CYP19A1: variants seen among roughly 807,000 people sequenced by gnomAD.
CYP19A1 encodes aromatase.
CYP19A1 carries 32 observed loss-of-function variants against 44.4 expected under a neutral mutation model. The ratio of observed to expected loss-of-function variants is 0.72; its 90% CI spans 0.54 to 0.97. CYP19A1 has a LOEUF of 0.97. Among genes scored for constraint, CYP19A1 ranks in the 50% least tolerant of loss-of-function variants. The pLI, the probability that CYP19A1 is intolerant of heterozygous loss-of-function variation, is 0.00. For missense variants in CYP19A1, 598 were observed against 637.8 expected, an observed-to-expected ratio of 0.94 and a Z score of 0.67; for synonymous variants, 212 against 215.6, an observed-to-expected ratio of 0.98 and a Z score of 0.14.
Position 51,219,001 on chromosome 15 carries a change from T to C in CYP19A1, c.629-346A>G, listed in dbSNP as rs78965728. 3.1e-4 allele frequency among the ~76,000 whole-genome samples: 47 copies of C among 152,332 alleles called. 1 individual carries two copies. In the East Asian group the frequency reaches 8.5e-3, roughly 27 times the overall value. On this transcript the variant is annotated intron_variant, in intron 5 of 9. Transcript: ENST00000396402. ...TCTCTGTACAAATGGAACTAGTAATTATGGCTGTTATGGCCTTCACTCTGG... is the reference window on the plus strand; with the variant it reads ...TCTCTGTACAAATGGAACTAGTAATCATGGCTGTTATGGCCTTCACTCTGG...
intron 2 of CYP19A1, 63 bp downstream of exon 2, chr15:51,242,705 C>T (rs2033841939): frequency 1.8e-6 from 2 of 1,084,484 alleles, no homozygotes; most frequent in African/African-American, 3.1e-5. Flanking sequence ...TTTTCTTTAC[C>T]ATCATGGACC....
At chr15:51,241,672 A>T (rs1398709430) in intron 2 of CYP19A1, among the ~76,000 whole-genome samples, 2 of 152,184 alleles carry the variant, frequency 1.3e-5, no homozygotes, top group East Asian at 1.9e-4. Flanking sequence ...ACCATGAAAC[A>T]GTTGTCCCTT....
intron 1 of CYP19A1, among the ~76,000 whole-genome samples, chr15:51,259,705 C>T (rs2034643998): frequency 6.6e-6 from 1 of 152,156 alleles, no homozygotes; most frequent in Admixed American, 6.5e-5. Context: ...GCTAGGGCTG[C>T]ACCAGACTGA....
At chr15:51,290,773 C>T (rs2035825231) in intron 1 of CYP19A1, among the ~76,000 whole-genome samples, 1 of 152,216 alleles carries the variant, frequency 6.6e-6, no homozygotes, top group Non-Finnish European at 1.5e-5. Context: ...TTGCTCTATA[C>T]ATAGGGGTTG....
chr15:51,275,453 T>G (rs752206610), intron 1 of CYP19A1, among the ~76,000 whole-genome samples: 7 of 152,224 alleles, frequency 4.6e-5, no homozygotes, highest in Admixed American at 2.0e-4. Context: ...ACTTGTGCCA[T>G]TCTGACACAA....
At position 51,309,961 on chromosome 15, in the gene CYP19A1, ATTGTT is replaced by A. The variant is rs552504758; in HGVS notation, c.-39+28529_-39+28533del. Among the ~76,000 whole-genome samples the A allele has an allele frequency of 3.7e-3, 557 of 152,298 alleles. 4 individuals carry two copies. The highest frequency in any genetic ancestry group is 0.013 in the African/African-American group (529 of 41,558). On this transcript the variant is annotated intron_variant, in intron 1 of 9. Transcript: ENST00000396402. ...CCCACTACGTCTTTGTTGAATGAGC[ATTGTT>A]TTAAGTGTCTACCCAAATAAGGTAG...
At chr15:51,267,285 G>A (rs1414065992) in intron 1 of CYP19A1, among the ~76,000 whole-genome samples, 1 of 152,144 alleles carries the variant, frequency 6.6e-6, no homozygotes, top group Non-Finnish European at 1.5e-5. Context: ...GGCTGCCTGC[G>A]GTCGGTGCCG....
At chr15:51,236,126 T>C (rs1000817255) in intron 3 of CYP19A1, among the ~76,000 whole-genome samples, 1 of 152,240 alleles carries the variant, frequency 6.6e-6, no homozygotes, top group Non-Finnish European at 1.5e-5. Flanking sequence ...ACTATTTTTT[T>C]AAATGGGTAA....
chr15:51,300,593 A>G (rs765933955), intron 1 of CYP19A1, among the ~76,000 whole-genome samples: 31 of 152,192 alleles, frequency 2.0e-4, no homozygotes, highest in Non-Finnish European at 3.7e-4. Context: ...CACGCCTGCC[A>G]GGCCTGGAGC....
At chr15:51,319,546 C>T (rs1398867476) in intron 1 of CYP19A1, among the ~76,000 whole-genome samples, 1 of 152,184 alleles carries the variant, frequency 6.6e-6, no homozygotes, top group African/African-American at 2.4e-5. Context: ...TTATCTAATC[C>T]TCATAACCCA....
chr15:51,306,598 T>C (rs1049132594), intron 1 of CYP19A1, among the ~76,000 whole-genome samples: 11 of 152,232 alleles, frequency 7.2e-5, no homozygotes, highest in Non-Finnish European at 2.9e-5. Context: ...ACTGGAAACA[T>C]TTTTAATGAC....
chr15:51,290,078 CCCTCACTTCCCTAACT>C lies in CYP19A1; in HGVS notation c.-38-47144_-38-47129del, dbSNP rs551721865. Among the ~76,000 whole-genome samples the C allele has an allele frequency of 3.9e-3, 591 of 152,322 alleles. 3 individuals are homozygous for C. The highest frequency in any genetic ancestry group is 5.6e-3 in the Non-Finnish European group (378 of 68,028). ...CCCCTGGGGTCACAGCCCCAGTGAG[CCCTCACTTCCCTAACT>C]CCTTAGAGTTTCTATTTAAGATTCT... On this transcript the variant is annotated intron_variant, in intron 1 of 9. Coordinates refer to ENST00000396402, the MANE Select transcript of CYP19A1 (RefSeq NM_000103.4).
At chr15:51,285,627 T>C (rs1466146075) in intron 1 of CYP19A1, among the ~76,000 whole-genome samples, 1 of 152,192 alleles carries the variant, frequency 6.6e-6, no homozygotes, top group Non-Finnish European at 1.5e-5. Context: ...TAGCTTAAAC[T>C]GGAAAAACAT....
At chr15:51,309,555 G>A (rs532041325) in intron 1 of CYP19A1, among the ~76,000 whole-genome samples, 2 of 152,298 alleles carry the variant, frequency 1.3e-5, no homozygotes, top group East Asian at 1.9e-4. Flanking sequence ...AAAACAGACT[G>A]TGTTCTCTAA....
intron 8 of CYP19A1, 64 bp downstream of exon 8, chr15:51,215,006 A>G (rs2031423336): frequency 2.6e-6 from 4 of 1,555,238 alleles, no homozygotes; most frequent in Admixed American, 1.9e-5. Context: ...TTCTTAGGAC[A>G]TAAGAAATGG....
Position 51,242,785 on chromosome 15 carries a change from C to A in CYP19A1, c.128G>T (p.Gly43Val), listed in dbSNP as rs754803299. 3 of 1,567,712 alleles carry A rather than the reference C, an allele frequency of 1.9e-6. No individual in the cohort carries two copies. The South Asian group carries it at 3.3e-5, about 17-fold the overall frequency. Residue 43 changes from glycine (G) to valine (V), a missense_variant, in exon 2 of 10, where the codon GGC becomes GTC. Physicochemically the swap from Gly to Val is moderately radical, Grantham distance 109. Coordinates refer to ENST00000396402, the MANE Select transcript of CYP19A1 (RefSeq NM_000103.4). ...GLFLLVWNYEGTSSIPGPGYC... is the reference protein window; with the variant it reads ...GLFLLVWNYEVTSSIPGPGYC... ...TGACTTACCTGGTATTGAGGATGTG[C>A]CCTCATAATTCCACACCAAGAGAAA...
chr15:51,218,698 A>T, intron 5 of CYP19A1, 43 bp from the exon 6 acceptor site: 2 of 1,582,834 alleles, frequency 1.3e-6, no homozygotes, highest in Non-Finnish European at 1.7e-6. Context: ...AGAGCAGTTG[A>T]GCAAAATGTG....
At chr15:51,240,526 C>G (rs903120462) in intron 2 of CYP19A1, among the ~76,000 whole-genome samples, 1 of 152,156 alleles carries the variant, frequency 6.6e-6, no homozygotes, top group Admixed American at 6.5e-5. Flanking sequence ...AAACCAAGAA[C>G]CTAGAGAGCC....
chr15:51,306,264 G>A (rs1339563865), intron 1 of CYP19A1, among the ~76,000 whole-genome samples: 1 of 152,036 alleles, frequency 6.6e-6, no homozygotes, highest in Non-Finnish European at 1.5e-5. Context: ...GCCATTTTGT[G>A]GTGCATTCCC....
Sources: gnomAD v4.1 joint callset for allele counts (sites outside exome capture counted in the v4.1 genomes callset) on GRCh38, gnomAD v4.1.1 for gene constraint, MANE v1.5 for transcripts, NCBI Gene and HGNC (gene_info 2026-07-23, HGNC 2026-07-21) for gene names.